Variants in ST8SIA6 observed in about 807,000 individuals in gnomAD.
The protein encoded by ST8SIA6 is alpha-2,8-sialyltransferase 8F.
Under a neutral mutation model 33.6 loss-of-function variants are expected in ST8SIA6, and 39 were observed. The ratio of observed to expected loss-of-function variants is 1.16; its 90% CI spans 0.90 to 1.52. ST8SIA6 has a LOEUF of 1.52. Among genes scored for constraint, ST8SIA6 ranks in the 40% most tolerant of loss-of-function variants. The pLI is 0.00. For synonymous variants in ST8SIA6, 172 were observed against 167.2 expected, an observed-to-expected ratio of 1.03 and a Z score of -0.22; for missense variants, 441 against 443.8, an observed-to-expected ratio of 0.99 and a Z score of 0.06.
intron 6 of ST8SIA6, 115 bp from the exon 7 acceptor site, chr10:17,323,272 A>G (rs1848022089): frequency 3.6e-6 from 2 of 552,062 alleles, no homozygotes; most frequent in Middle Eastern, 5.2e-4. Flanking sequence ...AATTGTTCTT[A>G]TGTTGGAGAA....
chr10:17,415,253 G>T (rs1588903705), intron 2 of ST8SIA6, among the ~76,000 whole-genome samples: 1 of 152,166 alleles, frequency 6.6e-6, no homozygotes, highest in African/African-American at 2.4e-5. Context: ...TGACACTTCA[G>T]ACTTCAAACT....
At chr10:17,442,057 T>C (rs1311269078) in intron 2 of ST8SIA6, among the ~76,000 whole-genome samples, 1 of 151,948 alleles carries the variant, frequency 6.6e-6, no homozygotes, top group Non-Finnish European at 1.5e-5. Flanking sequence ...TTAGTAGAGA[T>C]GGGGTTTCCT....
chr10:17,332,266 G>A (rs763296768), intron 4 of ST8SIA6, among the ~76,000 whole-genome samples: 37 of 152,100 alleles, frequency 2.4e-4, no homozygotes, highest in Admixed American at 4.6e-4. Context: ...GTGTACATGT[G>A]CCTTTATAGT....
intron 2 of ST8SIA6, among the ~76,000 whole-genome samples, chr10:17,407,526 A>G (rs1164027117): frequency 5.3e-5 from 8 of 152,142 alleles, no homozygotes; most frequent in Non-Finnish European, 1.0e-4. Context: ...AGACCATCCT[A>G]ATTCTTTACT....
At chr10:17,388,954 G>A (rs1438368026) in intron 3 of ST8SIA6, among the ~76,000 whole-genome samples, 1 of 152,064 alleles carries the variant, frequency 6.6e-6, no homozygotes, top group Admixed American at 6.6e-5. Context: ...TGTTGCTCCT[G>A]GGGATACCAT....
Position 17,318,799 on chromosome 10 carries a change from G to T in ST8SIA6, c.*2079C>A, listed in dbSNP as rs1372614852. On this transcript the variant is annotated 3_prime_UTR_variant, in exon 8 of 8. Coordinates refer to ENST00000377602, the MANE Select transcript of ST8SIA6 (RefSeq NM_001004470.3). The stretch of plus-strand genomic sequence containing the variant: ...AAAGAACTGTGACTTACGTTTTACA[G>T]TTTACATAGCTGACATGCTGTATTG... The T allele has an allele frequency of 6.5e-6, 3 of 460,440 alleles. No homozygotes were observed. Among genetic ancestry groups the T allele is most frequent in the Non-Finnish European group, 1.3e-5 (3 of 224,420 alleles). 28.5% of individuals were successfully genotyped at this position (460,440 alleles called of 1,614,324 possible). A position where few individuals can be genotyped will look rare whatever the true frequency, so the allele number is the denominator to read the frequency against.
At chr10:17,453,720 T>TGG (rs1853008141) in intron 1 of ST8SIA6, 63 bp from the exon 2 acceptor site, 21 of 1,194,328 alleles carry the variant, frequency 1.8e-5, no homozygotes, top group Non-Finnish European at 2.1e-5. Context: ...GCTGAAAGGC[T>TGG]GGGAGTCGCG....
chr10:17,420,201 C>T (rs1050907435), intron 2 of ST8SIA6, among the ~76,000 whole-genome samples: 8 of 152,158 alleles, frequency 5.3e-5, no homozygotes, highest in African/African-American at 1.9e-4. Flanking sequence ...ATCACGAGGT[C>T]AGGAGATCGA....
At chr10:17,344,288 C>T (rs1015543255) in intron 4 of ST8SIA6, among the ~76,000 whole-genome samples, 1 of 152,168 alleles carries the variant, frequency 6.6e-6, no homozygotes, top group African/African-American at 2.4e-5. Context: ...AAAGACATAC[C>T]AGAGACTGGG....
At chr10:17,323,229 G>GCGCACGCCACA in intron 6 of ST8SIA6, 72 bp from the exon 7 acceptor site, 1 of 793,956 alleles carries the variant, frequency 1.3e-6, no homozygotes, top group South Asian at 1.7e-5. Flanking sequence ...ACATATGCGC[G>GCGCACGCCACA]CACACACACA....
intron 2 of ST8SIA6, among the ~76,000 whole-genome samples, chr10:17,421,571 A>T (rs920783929): frequency 6.8e-6 from 1 of 147,496 alleles, no homozygotes; most frequent in South Asian, 2.1e-4. Context: ...CTTAAACTTA[A>T]TTTTTTTTTA....
intron 2 of ST8SIA6, among the ~76,000 whole-genome samples, chr10:17,418,270 C>G (rs11254583): frequency 1.3e-5 from 2 of 151,784 alleles, no homozygotes; most frequent in Admixed American, 1.3e-4. Flanking sequence ...TGCTTTGTTC[C>G]GGCTGGTCTC....
Position 17,315,683 on chromosome 10 carries a change from T to C in ST8SIA6, c.*5195A>G, listed in dbSNP as rs573990690. 5.3e-5 allele frequency among the ~76,000 whole-genome samples: 8 copies of C among 151,954 alleles called. No individual in the cohort carries two copies. Among genetic ancestry groups the C allele is most frequent in the Non-Finnish European group, 8.8e-5 (6 of 67,906 alleles). Reference sequence around the variant, plus strand: ...TCTAAAAAATGTAAACAGTCTATAGTGTAAAAATGTAAATGTCTATAGAAA... The same window carrying C: ...TCTAAAAAATGTAAACAGTCTATAGCGTAAAAATGTAAATGTCTATAGAAA... On this transcript the variant is annotated 3_prime_UTR_variant, in exon 8 of 8. Coordinates refer to ENST00000377602, the MANE Select transcript of ST8SIA6 (RefSeq NM_001004470.3).
intron 4 of ST8SIA6, among the ~76,000 whole-genome samples, chr10:17,358,780 G>C (rs890058556): frequency 6.6e-5 from 10 of 151,668 alleles, no homozygotes; most frequent in East Asian, 1.9e-4. Flanking sequence ...AGGAGAAGAT[G>C]ATGAGGAAGA....
At chr10:17,402,072 A>C (rs1433543749) in intron 2 of ST8SIA6, among the ~76,000 whole-genome samples, 2 of 152,204 alleles carry the variant, frequency 1.3e-5, no homozygotes, top group Non-Finnish European at 2.9e-5. Context: ...CAAAGAACAC[A>C]AACAAATTTA....
intron 6 of ST8SIA6, among the ~76,000 whole-genome samples, 179 bp from the exon 7 acceptor site, chr10:17,323,336 A>G (rs1848023509): frequency 6.7e-6 from 1 of 150,184 alleles, no homozygotes; most frequent in Admixed American, 6.7e-5. Context: ...TAAATTATTT[A>G]CTTTAATAAT....
Position 17,318,204 on chromosome 10 carries a change from C to T in ST8SIA6, c.*2674G>A, listed in dbSNP as rs1185685861. Among the ~76,000 whole-genome samples, 1 of 151,302 alleles carries T rather than the reference C, an allele frequency of 6.6e-6. No individual in the cohort carries two copies. The highest frequency in any genetic ancestry group is 2.5e-5 in the African/African-American group (1 of 40,790). Reference sequence around the variant, plus strand: ...GCAGCGTTATGAGCTAGAATCCTAACTAAAGGGCTACTTTTTTTTTTTCTT... The same window carrying T: ...GCAGCGTTATGAGCTAGAATCCTAATTAAAGGGCTACTTTTTTTTTTTCTT... On this transcript the variant is annotated 3_prime_UTR_variant, in exon 8 of 8. Coordinates refer to ENST00000377602, the MANE Select transcript of ST8SIA6 (RefSeq NM_001004470.3).
chr10:17,321,027 C>T lies in ST8SIA6; in HGVS notation c.1048G>A (p.Val350Ile), dbSNP rs758829594. ...LYGFWPFSKT[V>I]EDIPVSHHYY... ...TGATGGCTGACAGGTATGTCTTCTA[C>T]AGTTTTAGAGAAGGGCCAGAATCCA... Residue 350 changes from valine (V) to isoleucine (I), a missense_variant, in exon 8 of 8, where the codon GTA (valine) becomes ATA (isoleucine). Physicochemically the swap from Val to Ile is conservative, Grantham distance 29. Transcript: ENST00000377602. The T allele has an allele frequency of 6.2e-7, 1 of 1,613,962 alleles. No individual in the cohort carries two copies. The highest frequency in any genetic ancestry group is 1.1e-5 in the South Asian group (1 of 91,076).
chr10:17,345,948 G>T (rs1389171247), intron 4 of ST8SIA6, among the ~76,000 whole-genome samples: 1 of 152,170 alleles, frequency 6.6e-6, no homozygotes, highest in East Asian at 1.9e-4. Flanking sequence ...TTGAATCGGG[G>T]CTGGCCTTAG....
Sources: gnomAD v4.1 joint callset for allele counts (sites outside exome capture counted in the v4.1 genomes callset) on GRCh38, gnomAD v4.1.1 for gene constraint, MANE v1.5 for transcripts, NCBI Gene and HGNC (gene_info 2026-07-23, HGNC 2026-07-21) for gene names.